ZNF208: variants seen among roughly 807,000 people sequenced by gnomAD.
ZNF208 encodes zinc finger protein 95.
ZNF208 carries 10 observed loss-of-function variants against 12.1 expected under a neutral mutation model. The ratio of observed to expected loss-of-function variants is 0.83; its 90% CI spans 0.51 to 1.40. The LOEUF (loss-of-function observed/expected upper bound fraction) is 1.40. Ranked by LOEUF, ZNF208 falls within the 40% of genes most tolerant of loss-of-function variation. The pLI, the probability that ZNF208 is intolerant of heterozygous loss-of-function variation, is 0.00. For missense variants in ZNF208, 1,652 were observed against 1,485.0 expected (o/e 1.11, Z -1.85); for synonymous variants, 497 against 488.4 (o/e 1.02, Z -0.23).
intron 3 of ZNF208, among the ~76,000 whole-genome samples, chr19:21,983,431 G>T (rs929568612): frequency 6.6e-6 from 1 of 152,174 alleles, no homozygotes; most frequent in Admixed American, 6.5e-5. Context: ...AGCCATTGTG[G>T]AAGACAATGT....
rs1443107072 is a variant in ZNF208 at position 21,968,884 on chromosome 19, C to CTA, written c.*2305_*2306dup. The stretch of plus-strand genomic sequence containing the variant: ...ATACATTTTATACATTTTTGCTCTG[C>CTA]TAAAGACTTCTGTTATTAGGCCAGG... On this transcript the variant is annotated 3_prime_UTR_variant, in exon 4 of 4. Transcript: ENST00000397126. 2.0e-5 allele frequency among the ~76,000 whole-genome samples: 3 copies of CTA among 152,076 alleles called. No individual in the cohort carries two copies. Among genetic ancestry groups the CTA allele is most frequent in the Non-Finnish European group, 4.4e-5 (3 of 68,012 alleles).
At chr19:21,962,224 A>G (rs1333649409), downstream of ZNF208, among the ~76,000 whole-genome samples, 1 of 152,094 alleles carries the variant, frequency 6.6e-6, no homozygotes, top group East Asian at 1.9e-4. Flanking sequence ...ACTTCCCACA[A>G]CAAATTGTCT....
rs1407266905 is a variant in ZNF208, at chr19:21,966,919, TTCATA to T, written c.*4267_*4271del. 2.6e-5 allele frequency: 4 copies of T among 152,320 alleles called. No homozygotes were observed. The highest frequency in any genetic ancestry group is 9.6e-5 in the African/African-American group (4 of 41,588). 9.4% of individuals were successfully genotyped at this position (152,320 alleles called of 1,614,324 possible). The stretch of plus-strand genomic sequence containing the variant: ...TCTTCCTTTGAGAAGAAGCTGGCTA[TTCATA>T]TCATGTTTGCTTTTTTATTAAATGT... On this transcript the variant is annotated 3_prime_UTR_variant, in exon 4 of 4. Coordinates refer to ENST00000397126, the MANE Select transcript of ZNF208 (RefSeq NM_007153.3).
At chr19:21,975,913 A>C (rs1407808928) in intron 3 of ZNF208, among the ~76,000 whole-genome samples, 1 of 148,900 alleles carries the variant, frequency 6.7e-6, no homozygotes, top group East Asian at 2.0e-4. Context: ...AAAAAAAACA[A>C]CTTTCAAAAT....
In ZNF208 at chr19:21,972,742, A is replaced by G. The variant is rs1970325636; in HGVS notation, c.2292T>C (p.Leu764=). The G allele has an allele frequency of 2.5e-6, 4 of 1,588,922 alleles. No individual in the cohort carries two copies. The highest frequency in any genetic ancestry group is 3.4e-6 in the Non-Finnish European group (4 of 1,166,218). Residue 764 remains leucine, a synonymous_variant, in exon 4 of 4, where the codon CTT becomes CTC. Transcript: ENST00000397126. ...CGKAYKWSST[L]SYHKKIHTVE... is the part of the protein sequence containing the mutation. The stretch of plus-strand genomic sequence containing the variant: ...CAGTATGAATTTTCTTATGATAACT[A>G]AGGGTTGAGGACCACTTATAGGCTT...
chr19:21,977,460 G>T (rs1970453892), intron 3 of ZNF208, among the ~76,000 whole-genome samples: 1 of 152,178 alleles, frequency 6.6e-6, no homozygotes, highest in Non-Finnish European at 1.5e-5. Context: ...CGTCTCCCCT[G>T]GGAAGTGCAA....
chr19:21,945,316 G>A (rs1280270837), intron 4 of ZNF208, among the ~76,000 whole-genome samples: 1 of 152,104 alleles, frequency 6.6e-6, no homozygotes, highest in Admixed American at 6.5e-5. Context: ...CTTTAAAATA[G>A]ACTTACTCCT....
intron 3 of ZNF208, among the ~76,000 whole-genome samples, chr19:21,985,713 C>T (rs553089020): frequency 1.1e-4 from 17 of 152,330 alleles, no homozygotes; most frequent in African/African-American, 4.1e-4. Context: ...GCCGGCAGAC[C>T]TTGGTCCTTA....
chr19:21,965,712 CTTTT>C (rs556381483), downstream of ZNF208: 61 of 143,486 alleles, frequency 4.3e-4, no homozygotes, highest in Non-Finnish European at 7.0e-4. Flanking sequence ...GACTTTTGTG[CTTTT>C]TTTTTTAGAA....
At chr19:21,948,198 CCTCTTTAACCCTGAAACT>C (rs1363186241) in intron 4 of ZNF208, among the ~76,000 whole-genome samples, 1 of 152,144 alleles carries the variant, frequency 6.6e-6, no homozygotes, top group African/African-American at 2.4e-5. Flanking sequence ...AACACTGGAA[CCTCTTTAACCCTGAAACT>C]CTAAAGAAAA....
At chr19:21,984,509 T>C (rs1355378451) in intron 3 of ZNF208, among the ~76,000 whole-genome samples, 2 of 152,070 alleles carry the variant, frequency 1.3e-5, no homozygotes, top group Non-Finnish European at 2.9e-5. Context: ...GCCGAGATAA[T>C]GCCATTGCAC....
chr19:21,943,801 A>G (rs1216887968), intron 4 of ZNF208, among the ~76,000 whole-genome samples: 1 of 152,224 alleles, frequency 6.6e-6, no homozygotes, highest in Non-Finnish European at 1.5e-5. Flanking sequence ...GAACATCATG[A>G]CTTTAATTTG....
intron 1 of ZNF208, among the ~76,000 whole-genome samples, chr19:21,999,171 G>A (rs1970895358): frequency 6.6e-6 from 1 of 151,832 alleles, no homozygotes; most frequent in East Asian, 1.9e-4. Flanking sequence ...TTGGATATCA[G>A]ATACAAATAT....
At chr19:21,950,476 A>G (rs1019855878) in intron 4 of ZNF208, among the ~76,000 whole-genome samples, 5 of 147,762 alleles carry the variant, frequency 3.4e-5, no homozygotes, top group African/African-American at 1.3e-4. Context: ...TGGAAACTAT[A>G]TGCCTAGCCC....
Position 21,943,190 on chromosome 19 carries a change from G to A in ZNF208, c.306-9953C>T, listed in dbSNP as rs180700750. Reference sequence around the variant, plus strand: ...ATACATCAAATGAAAAATGGTAATCGAGAATGTCACTTTCAATGTTTGAGT... The same window carrying A: ...ATACATCAAATGAAAAATGGTAATCAAGAATGTCACTTTCAATGTTTGAGT... On this transcript the variant is annotated intron_variant, in intron 4 of 4. Coordinates refer to the ZNF208 transcript ENST00000599916. Among the ~76,000 whole-genome samples, 184 of 152,110 alleles carry A rather than the reference G, an allele frequency of 1.2e-3. 1 individual carries two copies. Among genetic ancestry groups the A allele is most frequent in the African/African-American group, 4.2e-3 (173 of 41,476 alleles).
intron 1 of ZNF208, chr19:21,998,147 G>C (rs1431105042): frequency 6.8e-6 from 1 of 146,590 alleles, no homozygotes; most frequent in Non-Finnish European, 1.5e-5. Flanking sequence ...TTTTGAGATA[G>C]AGTTCCATTC....
chr19:22,003,663 T>C (rs1970994706), intron 1 of ZNF208, among the ~76,000 whole-genome samples: 1 of 152,136 alleles, frequency 6.6e-6, no homozygotes. Context: ...ATTATTATAA[T>C]TCAACCATTG....
intron 1 of ZNF208, among the ~76,000 whole-genome samples, chr19:21,993,418 C>CT (rs1453499891): frequency 6.6e-6 from 1 of 152,100 alleles, no homozygotes; most frequent in Non-Finnish European, 1.5e-5. Flanking sequence ...AACATGGATG[C>CT]TTCCACCAAG....
chr19:21,974,688 C>A lies in ZNF208; in HGVS notation c.346G>T (p.Gly116Cys). 2 of 1,613,532 alleles carry A rather than the reference C, an allele frequency of 1.2e-6. No homozygotes were observed. Among genetic ancestry groups the A allele is most frequent in the South Asian group, 1.1e-5 (1 of 91,038 alleles). Residue 116 changes from glycine (G) to cysteine (C), a missense_variant, in exon 4 of 4, where the codon GGT (glycine) becomes TGT (cysteine). Gly to Cys is a radical substitution (Grantham distance 159). Transcript: ENST00000397126. Reference sequence around the variant, plus strand: ...TTACACTCATCCACATTGGTATAACCAATTTTTAAGTGTAAATTCTCATGT... The same window carrying A: ...TTACACTCATCCACATTGGTATAACAAATTTTTAAGTGTAAATTCTCATGT... Reference protein sequence around the residue: ...CGHENLHLKIGYTNVDECKVH... With the variant: ...CGHENLHLKICYTNVDECKVH...
Sources: gnomAD v4.1 joint callset for allele counts (sites outside exome capture counted in the v4.1 genomes callset) on GRCh38, gnomAD v4.1.1 for gene constraint, MANE v1.5 for transcripts, NCBI Gene and HGNC (gene_info 2026-07-23, HGNC 2026-07-21) for gene names.